KDM4C: variants seen among roughly 807,000 people sequenced by gnomAD.
KDM4C encodes the protein lysine demethylase 4C, also known as lysine-specific demethylase 4C.
Under a neutral mutation model 129.3 loss-of-function variants are expected in KDM4C, and 81 were observed. The ratio of observed to expected loss-of-function variants is 0.63; its 90% confidence interval spans 0.52 to 0.75. The LOEUF (loss-of-function observed/expected upper bound fraction) is 0.75, where lower values mean the gene tolerates loss of function less well. Ranked by LOEUF, KDM4C falls within the 30% of genes least tolerant of loss-of-function variation. The pLI is 0.00. For synonymous variants in KDM4C, 573 were observed against 456.1 expected, an observed-to-expected ratio of 1.26 and a Z score of -3.26; for missense variants, 1,457 against 1,304.0, an observed-to-expected ratio of 1.12 and a Z score of -1.81.
At chr9:7,080,950 G>A (rs1366727158) in intron 17 of KDM4C, among the ~76,000 whole-genome samples, 1 of 152,178 alleles carries the variant, frequency 6.6e-6, no homozygotes, top group Non-Finnish European at 1.5e-5. Flanking sequence ...TAATAAACAG[G>A]CCCTTAGTGA....
chr9:6,965,990 T>C (rs1355514518), intron 8 of KDM4C, among the ~76,000 whole-genome samples: 1 of 152,188 alleles, frequency 6.6e-6, no homozygotes, highest in Non-Finnish European at 1.5e-5. Flanking sequence ...GTTAACAGAA[T>C]AAAGGATAAA....
intron 19 of KDM4C, among the ~76,000 whole-genome samples, chr9:7,130,836 G>C (rs1840548378): frequency 6.6e-6 from 1 of 152,042 alleles, no homozygotes; most frequent in Admixed American, 6.6e-5. Context: ...ACAGCTCACT[G>C]CAGCCTTGTG....
At chr9:6,888,120 A>G (rs1845564057) in intron 7 of KDM4C, 57 bp downstream of exon 7, 1 of 902,974 alleles carries the variant, frequency 1.1e-6, no homozygotes, top group African/African-American at 1.7e-5. Flanking sequence ...TTTGTATTTA[A>G]GAAGTAATGT....
At chr9:7,136,100 T>C (rs376444845) in intron 19 of KDM4C, among the ~76,000 whole-genome samples, 28 of 152,382 alleles carry the variant, frequency 1.8e-4, no homozygotes, top group African/African-American at 6.7e-4. Context: ...ACTGGGTTAC[T>C]GACTTAGAAG....
chr9:6,988,516 T>TAA (rs397721481), intron 11 of KDM4C, among the ~76,000 whole-genome samples: 1 of 151,542 alleles, frequency 6.6e-6, no homozygotes, highest in Non-Finnish European at 1.5e-5. Context: ...GTTGGATAAC[T>TAA]CCTAGATGTA....
At chr9:7,025,604 A>G (rs1825678794) in intron 15 of KDM4C, among the ~76,000 whole-genome samples, 1 of 151,864 alleles carries the variant, frequency 6.6e-6, no homozygotes, top group Non-Finnish European at 1.5e-5. Flanking sequence ...ACCACTTAAC[A>G]TTGCATAGGC....
chr9:7,081,892 C>T (rs956248337), intron 17 of KDM4C, among the ~76,000 whole-genome samples: 6 of 152,126 alleles, frequency 3.9e-5, no homozygotes, highest in African/African-American at 1.4e-4. Context: ...TTATATATCT[C>T]TTGTGCTTGC....
At chr9:6,903,032 T>C (rs1195511501) in intron 8 of KDM4C, among the ~76,000 whole-genome samples, 1 of 152,150 alleles carries the variant, frequency 6.6e-6, no homozygotes, top group Non-Finnish European at 1.5e-5. Flanking sequence ...TGGTAGAGAT[T>C]ACTGCTAAGC....
chr9:7,028,949 C>T lies in KDM4C; in HGVS notation c.2259+13020C>T, dbSNP rs183964942. Among the ~76,000 whole-genome samples the T allele has an allele frequency of 2.6e-5, 4 of 152,280 alleles. 1 individual carries two copies. Among genetic ancestry groups the T allele is most frequent in the Admixed American group, 2.6e-4 (4 of 15,298 alleles). On this transcript the variant is annotated intron_variant, in intron 15 of 21. Transcript: ENST00000381309. ...CGGCGTTGGTGATTCAAGACTGTTT[C>T]TCCTACCGTCTTCAGTGCCTCTTTC... is the stretch of plus-strand genomic sequence containing the variant.
intron 3 of KDM4C, among the ~76,000 whole-genome samples, chr9:6,807,495 G>A (rs1402140942): frequency 1.4e-5 from 2 of 147,258 alleles, no homozygotes; most frequent in African/African-American, 2.5e-5. Flanking sequence ...CTGCCCGGCC[G>A]CCCATCGTCT....
rs932702097 is a variant in KDM4C, at chr9:7,011,886, G to C, written c.1968+7G>C. 4.3e-6 allele frequency: 7 copies of C among 1,610,580 alleles called. No homozygotes were observed. In the African/African-American group the frequency reaches 9.4e-5, roughly 22 times the overall value. On this transcript the variant is annotated splice_region_variant and intron_variant, in intron 13 of 21. Coordinates refer to ENST00000381309, the MANE Select transcript of KDM4C (RefSeq NM_015061.6). ...GCTCATGCCGTACCACAAGGTAAAG[G>C]AGCCTGCTATCATAGTTCCCTTCAC...
chr9:6,858,361 C>A (rs1017369016), intron 5 of KDM4C, among the ~76,000 whole-genome samples: 1 of 152,072 alleles, frequency 6.6e-6, no homozygotes, highest in Non-Finnish European at 1.5e-5. Flanking sequence ...ACCACCACGA[C>A]CACCACCACC....
intron 2 of KDM4C, among the ~76,000 whole-genome samples, chr9:6,795,683 T>A (rs1341527076): frequency 6.6e-6 from 1 of 152,044 alleles, no homozygotes; most frequent in Non-Finnish European, 1.5e-5. Context: ...TTTTTTTCTT[T>A]TTTTTTGAGA....
At chr9:7,084,022 G>A (rs187010466) in intron 17 of KDM4C, among the ~76,000 whole-genome samples, 4 of 152,292 alleles carry the variant, frequency 2.6e-5, no homozygotes, top group African/African-American at 9.6e-5. Flanking sequence ...ATCAAATGCT[G>A]AGGGCAGTCA....
chr9:7,160,830 A>C (rs1024023702), intron 19 of KDM4C, among the ~76,000 whole-genome samples: 2 of 152,258 alleles, frequency 1.3e-5, no homozygotes, highest in Non-Finnish European at 2.9e-5. Context: ...TCAGAGATTA[A>C]ATGCCTCACT....
chr9:6,957,593 G>A (rs1432352019), intron 8 of KDM4C, among the ~76,000 whole-genome samples: 8 of 152,126 alleles, frequency 5.3e-5, no homozygotes, highest in Non-Finnish European at 1.0e-4. Flanking sequence ...ACCACCATAA[G>A]AGATCAAACG....
intron 5 of KDM4C, among the ~76,000 whole-genome samples, chr9:6,856,272 T>G (rs1420095143): frequency 3.3e-5 from 5 of 152,198 alleles, no homozygotes; most frequent in Non-Finnish European, 7.3e-5. Context: ...ACTTGTTAAT[T>G]TTTCTATTTA....
chr9:6,764,181 A>C (rs2130496891), intron 1 of KDM4C, among the ~76,000 whole-genome samples: 1 of 152,342 alleles, frequency 6.6e-6, no homozygotes, highest in Non-Finnish European at 1.5e-5. Flanking sequence ...ATTTCTAGAG[A>C]ATGGTAGGAG....
chr9:7,117,344 G>T (rs1291161328), intron 18 of KDM4C, among the ~76,000 whole-genome samples: 6 of 152,176 alleles, frequency 3.9e-5, no homozygotes, highest in African/African-American at 1.2e-4. Context: ...GTTTTAGTGT[G>T]TTTAACCCAT....
Sources: gnomAD v4.1 joint callset for allele counts (sites outside exome capture counted in the v4.1 genomes callset) on GRCh38, gnomAD v4.1.1 for gene constraint, MANE v1.5 for transcripts, NCBI Gene and HGNC (gene_info 2026-07-23, HGNC 2026-07-21) for gene names.